ALK: variants seen among roughly 807,000 people sequenced by gnomAD.
ALK encodes the protein ALK receptor tyrosine kinase.
Under a neutral mutation model 163.1 loss-of-function variants are expected in ALK, and 74 were observed. That is an observed-to-expected ratio of 0.45 (90% CI 0.38 to 0.55). ALK has a LOEUF of 0.55. ALK is among the 20% of genes least tolerant of loss of function. The pLI is 0.00. For missense variants in ALK, 2,063 were observed against 2,105.3 expected, an observed-to-expected ratio of 0.98 and a Z score of 0.39; for synonymous variants, 960 against 843.2, an observed-to-expected ratio of 1.14 and a Z score of -2.40.
At chr2:29,695,453 T>C (rs766256253) in intron 2 of ALK, among the ~76,000 whole-genome samples, 19 of 152,210 alleles carry the variant, frequency 1.2e-4, no homozygotes, top group Non-Finnish European at 2.8e-4. Flanking sequence ...TTCCCTCACC[T>C]GTACATTAGG....
At chr2:29,215,939 C>T (rs931667527) in intron 23 of ALK, among the ~76,000 whole-genome samples, 4 of 152,168 alleles carry the variant, frequency 2.6e-5, no homozygotes, top group Non-Finnish European at 4.4e-5. Context: ...CCAGCAGCCT[C>T]GGGCAGTGCC....
chr2:29,694,701 C>T, intron 3 of ALK, 149 bp downstream of exon 3: 2 of 1,046,112 alleles, frequency 1.9e-6, no homozygotes, highest in South Asian at 2.7e-5. Flanking sequence ...TTGCATGGCC[C>T]AAGAAGCCAT....
intron 1 of ALK, among the ~76,000 whole-genome samples, chr2:29,744,341 G>C (rs149002533): frequency 8.8e-4 from 134 of 152,320 alleles, no homozygotes; most frequent in African/African-American, 2.7e-3. Context: ...GAAAGACAAA[G>C]AAGTGTGCTA....
chr2:29,223,007 C>T (rs1031508031), intron 20 of ALK, among the ~76,000 whole-genome samples: 19 of 152,024 alleles, frequency 1.2e-4, no homozygotes, highest in African/African-American at 3.6e-4. Context: ...CAGAGGAAGG[C>T]GCAGTTGCTC....
At chr2:29,610,743 G>C (rs1251351739) in intron 3 of ALK, among the ~76,000 whole-genome samples, 2 of 152,200 alleles carry the variant, frequency 1.3e-5, no homozygotes, top group African/African-American at 4.8e-5. Context: ...TTTACAGCTA[G>C]AGTCTGGGCA....
At chr2:29,626,293 G>T (rs1278973517) in intron 3 of ALK, among the ~76,000 whole-genome samples, 1 of 152,136 alleles carries the variant, frequency 6.6e-6, no homozygotes, top group Non-Finnish European at 1.5e-5. Flanking sequence ...CAAGGGTGGG[G>T]CCAGGTGGAG....
chr2:29,228,951 C>A lies in ALK; in HGVS notation c.2748G>T (p.Glu916Asp). Residue 916 changes from glutamate (E) to aspartate (D), a missense_variant, in exon 16 of 29, where the codon GAG (glutamate) becomes GAT (aspartate). Physicochemically the swap from Glu to Asp is conservative, Grantham distance 45. This residue lies in a region of ALK where 575 missense variants were observed against 626.6 expected (regional missense o/e 0.92). Transcript: ENST00000389048. ...CPQAMKKWGWETRGGFGGGGG... is the reference protein window; with the variant it reads ...CPQAMKKWGWDTRGGFGGGGG... ...CACCCCCTCCGAAACCCCCTCTTGT[C>A]TCCCACCCCCACTTCTTCATGGCCT... 7 of 637,724 alleles carry A rather than the reference C, an allele frequency of 1.1e-5. No homozygotes were observed. The highest frequency in any genetic ancestry group is 1.8e-5 in the Non-Finnish European group (7 of 393,570). 39.5% of individuals were successfully genotyped at this position (637,724 alleles called of 1,614,324 possible). A position where few individuals can be genotyped will look rare whatever the true frequency, so the allele number is the denominator to read the frequency against.
intron 3 of ALK, among the ~76,000 whole-genome samples, chr2:29,571,908 C>A (rs1196101934): frequency 6.6e-6 from 1 of 152,072 alleles, no homozygotes; most frequent in Non-Finnish European, 1.5e-5. Context: ...ACTAGAGCAC[C>A]CCACTGGCAA....
chr2:29,315,999 C>T (rs902567635), intron 8 of ALK, among the ~76,000 whole-genome samples: 1 of 152,124 alleles, frequency 6.6e-6, no homozygotes, highest in Non-Finnish European at 1.5e-5. Context: ...ACAGAGGCCC[C>T]TGTAGGGTTG....
At chr2:29,585,933 A>T (rs1674874497) in intron 3 of ALK, among the ~76,000 whole-genome samples, 1 of 152,128 alleles carries the variant, frequency 6.6e-6, no homozygotes, top group Admixed American at 6.5e-5. Flanking sequence ...TTAGTAGTTT[A>T]AAATACATAA....
chr2:29,894,557 A>T (rs1320652077), intron 1 of ALK, among the ~76,000 whole-genome samples: 1 of 152,074 alleles, frequency 6.6e-6, no homozygotes, highest in Admixed American at 6.6e-5. Context: ...GAAAAAAACT[A>T]TCAATAACTT....
chr2:29,828,248 T>C (rs529227516), intron 1 of ALK, among the ~76,000 whole-genome samples: 3 of 152,284 alleles, frequency 2.0e-5, no homozygotes, highest in South Asian at 4.1e-4. Context: ...ATTCAGGACA[T>C]AGGCATGGGC....
intron 1 of ALK, among the ~76,000 whole-genome samples, chr2:29,794,673 T>C (rs72854247): frequency 0.039 from 5,941 of 152,084 alleles, 190 homozygotes; most frequent in African/African-American, 0.08. Context: ...CCCAAGGAGA[T>C]GGAGAGAGTT....
chr2:29,481,219 G>C (rs1278287963), intron 4 of ALK, among the ~76,000 whole-genome samples: 1 of 152,188 alleles, frequency 6.6e-6, no homozygotes, highest in Non-Finnish European at 1.5e-5. Flanking sequence ...GTAGTTCAGT[G>C]CTTTAACTAT....
chr2:29,265,100 A>G (rs1194206985), intron 11 of ALK, among the ~76,000 whole-genome samples: 1 of 152,008 alleles, frequency 6.6e-6, no homozygotes, highest in Non-Finnish European at 1.5e-5. Context: ...GCTCACTGCA[A>G]CCTCTGCTTC....
At chr2:29,370,894 G>A (rs1446092453) in intron 5 of ALK, among the ~76,000 whole-genome samples, 1 of 151,824 alleles carries the variant, frequency 6.6e-6, no homozygotes, top group Non-Finnish European at 1.5e-5. Flanking sequence ...TGTTCTTGAA[G>A]GAAATGATAA....
At chr2:29,909,235 G>A (rs1341249771) in intron 1 of ALK, among the ~76,000 whole-genome samples, 1 of 152,206 alleles carries the variant, frequency 6.6e-6, no homozygotes, top group Admixed American at 6.5e-5. Context: ...AGCAACACAG[G>A]ACTATAATCC....
At chr2:29,764,103 T>C (rs924795345) in intron 1 of ALK, among the ~76,000 whole-genome samples, 1 of 152,096 alleles carries the variant, frequency 6.6e-6, no homozygotes, top group African/African-American at 2.4e-5. Flanking sequence ...CCCTAACCCA[T>C]TGTTACCAGT....
intron 1 of ALK, among the ~76,000 whole-genome samples, chr2:29,806,866 G>T (rs1664630260): frequency 6.6e-6 from 1 of 152,164 alleles, no homozygotes; most frequent in South Asian, 2.1e-4. Context: ...GTTAGATGGT[G>T]GTAAGAGGAA....
Sources: allele counts gnomAD v4.1 joint callset (sites outside exome capture counted in the v4.1 genomes callset), GRCh38; gene constraint gnomAD v4.1.1; regional missense constraint gnomAD v4.1.1; transcripts MANE v1.5; gene names NCBI Gene and HGNC (gene_info 2026-07-23, HGNC 2026-07-21).